The following PDE4D variants were observed in gnomAD, a reference collection of about 807,000 sequenced individuals.
The protein encoded by PDE4D is phosphodiesterase 4D.
PDE4D carries 24 observed loss-of-function variants against 87.4 expected under a neutral mutation model. The observed-to-expected ratio is 0.27, with a 90% CI of 0.20 to 0.39. The LOEUF is 0.39. PDE4D is among the 10% of genes least tolerant of loss of function. PDE4D has a pLI of 1.00. For synonymous variants in PDE4D, 384 were observed against 383.2 expected (o/e 1.00, Z -0.02); for missense variants, 714 against 1,041.0 (o/e 0.69, Z 4.32).
chr5:60,059,364 T>G (rs868769387), intron 2 of PDE4D, among the ~76,000 whole-genome samples: 1 of 152,092 alleles, frequency 6.6e-6, no homozygotes, highest in Non-Finnish European at 1.5e-5. Flanking sequence ...CTACCTAGAA[T>G]AGCATATATT....
intron 1 of PDE4D, among the ~76,000 whole-genome samples, chr5:59,686,013 T>C (rs1247336558): frequency 6.6e-6 from 1 of 152,108 alleles, no homozygotes; most frequent in African/African-American, 2.4e-5. Context: ...AAACACATTC[T>C]AGAAGGCAGT....
chr5:59,189,559 T>C (rs1743839978), intron 3 of PDE4D, among the ~76,000 whole-genome samples: 1 of 152,116 alleles, frequency 6.6e-6, no homozygotes, highest in South Asian at 2.1e-4. Flanking sequence ...TCACAAATCC[T>C]GGGATCACTG....
chr5:60,032,885 T>C (rs1767395428), intron 2 of PDE4D: 1 of 152,216 alleles, frequency 6.6e-6, no homozygotes, highest in Non-Finnish European at 1.5e-5. Flanking sequence ...GAAATCCATA[T>C]TGCGTACTTT....
chr5:59,246,438 T>C (rs1243835572), intron 1 of PDE4D, among the ~76,000 whole-genome samples: 1 of 152,240 alleles, frequency 6.6e-6, no homozygotes, highest in East Asian at 1.9e-4. Context: ...ATTATCCTAA[T>C]AAAAACACAT....
intron 2 of PDE4D, among the ~76,000 whole-genome samples, chr5:60,065,947 C>T (rs1772028402): frequency 6.6e-6 from 1 of 152,152 alleles, no homozygotes; most frequent in Non-Finnish European, 1.5e-5. Flanking sequence ...TGGGTATATA[C>T]CCAGTAATGG....
intron 1 of PDE4D, among the ~76,000 whole-genome samples, chr5:60,424,174 C>G (rs977358338): frequency 6.6e-6 from 1 of 152,194 alleles, no homozygotes; most frequent in African/African-American, 2.4e-5. Context: ...GGAATCCTCC[C>G]TAACTCATTT....
In PDE4D at chr5:60,148,514, TG is replaced by T. The variant is rs138610871; in HGVS notation, c.42+37042del. On this transcript the variant is annotated intron_variant, in intron 2 of 16. Coordinates refer to the PDE4D transcript ENST00000502484. ...TTAAGCATCCACTGGGTTTTGTATC[TG>T]CAGTCTTGGTATTTGGCTCTGGAAT... Among the ~76,000 whole-genome samples, 935 of 152,298 alleles carry T rather than the reference TG, an allele frequency of 6.1e-3. 12 individuals are homozygous for T. Among genetic ancestry groups the T allele is most frequent in the Non-Finnish European group, 9.2e-3 (624 of 68,016 alleles).
chr5:59,913,057 C>A (rs1753623843), intron 3 of PDE4D, among the ~76,000 whole-genome samples: 1 of 152,084 alleles, frequency 6.6e-6, no homozygotes, highest in Non-Finnish European at 1.5e-5. Context: ...AGTGTGGCAG[C>A]CTTGAGAAGT....
chr5:59,694,552 AG>A (rs1751467210), intron 1 of PDE4D, among the ~76,000 whole-genome samples: 1 of 152,220 alleles, frequency 6.6e-6, no homozygotes. Context: ...AATGAAGAAA[AG>A]ATGTTTCAGC....
At chr5:59,186,118 G>C (rs1249812603) in intron 3 of PDE4D, among the ~76,000 whole-genome samples, 1 of 152,190 alleles carries the variant, frequency 6.6e-6, no homozygotes, top group Non-Finnish European at 1.5e-5. Context: ...ACCCATATTA[G>C]ATGGGATTAT....
intron 1 of PDE4D, among the ~76,000 whole-genome samples, chr5:60,422,255 G>A (rs1743185590): frequency 6.6e-6 from 1 of 152,144 alleles, no homozygotes. Flanking sequence ...GATTCACCAA[G>A]GTTGAAATGA....
At chr5:59,164,361 A>G (rs1781576946) in intron 5 of PDE4D, among the ~76,000 whole-genome samples, 1 of 152,242 alleles carries the variant, frequency 6.6e-6, no homozygotes, top group South Asian at 2.1e-4. Flanking sequence ...TGGAAGTATC[A>G]CAGTACAGTC....
At chr5:59,528,876 G>A (rs892926994) in intron 1 of PDE4D, 6 of 307,628 alleles carry the variant, frequency 2.0e-5, no homozygotes, top group African/African-American at 1.3e-4. Context: ...CATTCCCAAA[G>A]TTTACTCCAT....
chr5:60,210,055 G>A (rs942031985), intron 1 of PDE4D, among the ~76,000 whole-genome samples: 2 of 152,076 alleles, frequency 1.3e-5, no homozygotes, highest in Non-Finnish European at 2.9e-5. Context: ...CACAAATTTT[G>A]AGATCCATAC....
At chr5:59,398,574 C>T (rs1789952969) in intron 1 of PDE4D, among the ~76,000 whole-genome samples, 2 of 118,704 alleles carry the variant, frequency 1.7e-5, no homozygotes, top group Admixed American at 8.2e-5. Flanking sequence ...ATTGATGGGA[C>T]ATATTTCAAA....
chr5:60,489,283 A>T (rs1002313410), upstream of PDE4D, among the ~76,000 whole-genome samples: 2 of 152,242 alleles, frequency 1.3e-5, no homozygotes, highest in African/African-American at 4.8e-5. Context: ...ATAAACTTGT[A>T]CATAACTAAA....
At chr5:60,340,001 G>A (rs533469813) in intron 1 of PDE4D, among the ~76,000 whole-genome samples, 1 of 152,338 alleles carries the variant, frequency 6.6e-6, no homozygotes, top group East Asian at 1.9e-4. Context: ...CCTCTGCCTT[G>A]AACCAAACCT....
At chr5:59,724,451 G>A (rs957863402) in intron 1 of PDE4D, among the ~76,000 whole-genome samples, 11 of 152,162 alleles carry the variant, frequency 7.2e-5, no homozygotes, top group Non-Finnish European at 4.4e-5. Flanking sequence ...AGATCATTTT[G>A]TCACCCAGGT....
At chr5:59,836,647 T>TATCTATCTATC (rs1329962904) in intron 1 of PDE4D, among the ~76,000 whole-genome samples, 4 of 151,530 alleles carry the variant, frequency 2.6e-5, no homozygotes, top group Admixed American at 2.0e-4. Flanking sequence ...TCTATCTATC[T>TATCTATCTATC]ATCTATCTAT....
Sources: allele counts gnomAD v4.1 joint callset (sites outside exome capture counted in the v4.1 genomes callset), GRCh38; gene constraint gnomAD v4.1.1; transcripts MANE v1.5; gene names NCBI Gene and HGNC (gene_info 2026-07-23, HGNC 2026-07-21).